Variants in IFT74 observed in about 807,000 individuals in gnomAD.
The protein encoded by IFT74 is intraflagellar transport protein 74 homolog.
IFT74 carries 92 observed loss-of-function variants against 96.7 expected under a neutral mutation model. The ratio of observed to expected loss-of-function variants is 0.95; its 90% CI spans 0.80 to 1.13. IFT74 has a LOEUF of 1.13. Among genes scored for constraint, IFT74 ranks in the 50% most tolerant of loss-of-function variants. The pLI is 0.00. For missense variants in IFT74, 811 were observed against 698.2 expected (o/e 1.16, Z -1.82); for synonymous variants, 223 against 213.2 (o/e 1.05, Z -0.40).
At chr9:26,968,165 C>G in intron 2 of IFT74, among the ~76,000 whole-genome samples, 1 of 149,482 alleles carries the variant, frequency 6.7e-6, no homozygotes, top group East Asian at 1.9e-4. Context: ...TTAGTAGGAT[C>G]AGTATTAGTT....
rs187947031 is a variant in IFT74, at chr9:26,947,830, C to T, written c.-20+684C>T. On this transcript the variant is annotated intron_variant, in intron 1 of 19. Transcript: ENST00000433700. ...TTTTTAAAGGTATAACTACTTTTCT[C>T]TGGCGGCTTGTTAAAATGTAGATTC... Among the ~76,000 whole-genome samples, 50 of 152,290 alleles carry T rather than the reference C, an allele frequency of 3.3e-4. 1 individual carries two copies. The highest frequency in any genetic ancestry group is 3.0e-3 in the Admixed American group (46 of 15,298).
At chr9:27,057,826 C>G (rs1296365961) in intron 18 of IFT74, among the ~76,000 whole-genome samples, 1 of 152,022 alleles carries the variant, frequency 6.6e-6, no homozygotes, top group East Asian at 1.9e-4. Flanking sequence ...CCACTGCACT[C>G]CAGCCTGGGT....
chr9:26,982,981 C>T (rs550185951), intron 4 of IFT74, among the ~76,000 whole-genome samples: 1 of 152,334 alleles, frequency 6.6e-6, no homozygotes, highest in African/African-American at 2.4e-5. Flanking sequence ...ACTTGTTCTA[C>T]TGTCCTATCT....
chr9:26,984,653 A>T, intron 6 of IFT74, 94 bp downstream of exon 6: 1 of 923,882 alleles, frequency 1.1e-6, no homozygotes, highest in Non-Finnish European at 1.7e-6. Flanking sequence ...GGACATGCAC[A>T]GATACTTTTC....
chr9:26,962,929 T>TTTTTC (rs1332564227), intron 2 of IFT74, among the ~76,000 whole-genome samples: 1 of 134,544 alleles, frequency 7.4e-6, no homozygotes, highest in East Asian at 3.6e-4. Flanking sequence ...TTTACTAATT[T>TTTTTC]TTTTTTTTTT....
chr9:27,062,834 T>C lies in IFT74; in HGVS notation c.*98T>C. The C allele has an allele frequency of 4.3e-6, 3 of 696,028 alleles. No homozygotes were observed. The highest frequency in any genetic ancestry group is 2.5e-6 in the Non-Finnish European group (1 of 403,326). The allele number at this position is 696,028 out of a possible 1,614,324, so 43.1% of individuals were successfully genotyped here. A position where few individuals can be genotyped will look rare whatever the true frequency, so the allele number is the denominator to read the frequency against. The stretch of plus-strand genomic sequence containing the variant: ...AAAAAAAAAGCTTACTTTTGGAGTT[T>C]ACCTAAAATTTCTGAATGTTATAAT... On this transcript the variant is annotated 3_prime_UTR_variant, in exon 20 of 20. Coordinates refer to ENST00000380062, the MANE Select transcript of IFT74 (RefSeq NM_025103.4).
intron 18 of IFT74, 114 bp from the exon 19 acceptor site, chr9:27,060,477 T>G: frequency 1.9e-6 from 1 of 538,994 alleles, no homozygotes; most frequent in South Asian, 3.5e-5. Context: ...CTCAATAAAA[T>G]GTAAGTTGAT....
intron 13 of IFT74, among the ~76,000 whole-genome samples, chr9:27,032,096 A>G (rs1411275809): frequency 2.0e-5 from 3 of 152,236 alleles, no homozygotes; most frequent in Non-Finnish European, 4.4e-5. Flanking sequence ...TCAAAGCCTT[A>G]CACAAATCAC....
chr9:26,992,998 A>G (rs1827955659), intron 8 of IFT74: 1 of 152,244 alleles, frequency 6.6e-6, no homozygotes, highest in Non-Finnish European at 1.5e-5. Flanking sequence ...CAACAACAAT[A>G]TGTAAGACAC....
intron 8 of IFT74, chr9:26,993,665 T>G (rs1189371328): frequency 6.6e-6 from 1 of 152,236 alleles, no homozygotes; most frequent in Non-Finnish European, 1.5e-5. Flanking sequence ...TAAAACTTTA[T>G]TATATACATA....
chr9:27,011,390 G>A (rs1054896261), intron 9 of IFT74, among the ~76,000 whole-genome samples: 1 of 152,102 alleles, frequency 6.6e-6, no homozygotes, highest in Admixed American at 6.6e-5. Context: ...ACATATACGT[G>A]TATGTATGTG....
At chr9:26,997,800 C>T in intron 8 of IFT74, 3 of 1,614,050 alleles carry the variant, frequency 1.9e-6, no homozygotes, top group South Asian at 2.2e-5. Context: ...CATAGGTTTC[C>T]ATATAAAGTT....
chr9:26,947,602 T>A (rs1436418011), intron 1 of IFT74: 1 of 152,658 alleles, frequency 6.6e-6, no homozygotes, highest in African/African-American at 2.4e-5. Flanking sequence ...TGAGGTTGTT[T>A]GGTGTCTACT....
In IFT74 at chr9:26,962,001, CCT is replaced by C; in HGVS notation, c.35_36del (p.Pro12ArgfsTer90). On this transcript the variant is annotated frameshift_variant, in exon 2 of 20. Transcript: ENST00000380062. LOFTEE classifies it high-confidence loss of function. ...CAATCACAAATCTTCAGCAGCTCGC[CCT>C]GTTTCAAGAGGTGGAGTTGGGTTAA... ...ASNHKSSAAR[P>X]VSRGGVGLTG... is the part of the protein sequence containing the mutation. 2 of 1,614,120 alleles carry C rather than the reference CCT, an allele frequency of 1.2e-6. No individual in the cohort carries two copies. Among genetic ancestry groups the C allele is most frequent in the Non-Finnish European group, 1.7e-6 (2 of 1,180,006 alleles).
rs773530183 is a variant in IFT74 at position 26,997,330 on chromosome 9, CTTTTT to C, written c.587+7152_587+7156del. ...GCTTAAACAGAAATTGTTTCCTTTC[CTTTTT>C]TTTTTTTTTTTTTTTTGAGACAGAG... On this transcript the variant is annotated intron_variant, in intron 8 of 19. Transcript: ENST00000380062. 8.6e-3 allele frequency among the ~76,000 whole-genome samples: 1,064 copies of C among 123,546 alleles called. 11 individuals carry two copies. Among genetic ancestry groups the C allele is most frequent in the African/African-American group, 0.029 (995 of 34,040 alleles). 81.1% of individuals were successfully genotyped at this position (123,546 alleles called of 152,430 possible).
intron 11 of IFT74, among the ~76,000 whole-genome samples, chr9:27,017,346 C>G (rs539255415): frequency 1.3e-5 from 2 of 152,018 alleles, no homozygotes; most frequent in African/African-American, 2.4e-5. Context: ...CTCAGCCTCC[C>G]GAGTAGCTGG....
At chr9:26,956,799 A>G (rs911352657) in intron 1 of IFT74, among the ~76,000 whole-genome samples, 2 of 152,228 alleles carry the variant, frequency 1.3e-5, no homozygotes, top group African/African-American at 4.8e-5. Flanking sequence ...TAGTCAAAGC[A>G]ATACATTTCT....
At chr9:27,062,074 C>G (rs1040757186) in intron 19 of IFT74, among the ~76,000 whole-genome samples, 1 of 152,152 alleles carries the variant, frequency 6.6e-6, no homozygotes, top group Non-Finnish European at 1.5e-5. Context: ...AACTTCAGCT[C>G]AGAAGCAGCC....
Position 27,051,612 on chromosome 9 carries a change from GTTCTAC to G in IFT74, c.1333+3343_1333+3348del, listed in dbSNP as rs1316166326. On this transcript the variant is annotated intron_variant, in intron 16 of 19. Transcript: ENST00000380062. ...TATCCCCTGACCCCTGGAGACCACC[GTTCTAC>G]TTCTGTTTCTATGAGTCTGACTACT... is the stretch of plus-strand genomic sequence containing the variant. 2.0e-5 allele frequency among the ~76,000 whole-genome samples: 3 copies of G among 152,166 alleles called. No homozygotes were observed. In the East Asian group the frequency reaches 5.8e-4, roughly 29 times the overall value.
Sources: gnomAD v4.1 joint callset for allele counts (sites outside exome capture counted in the v4.1 genomes callset) on GRCh38, gnomAD v4.1.1 for gene constraint, MANE v1.5 for transcripts, NCBI Gene and HGNC (gene_info 2026-07-23, HGNC 2026-07-21) for gene names.